Variants in FAM120C observed in about 807,000 individuals in gnomAD.
FAM120C encodes the protein family with sequence similarity 120 member C.
Under a neutral mutation model 71.2 loss-of-function variants are expected in FAM120C, and 14 were observed. The ratio of observed to expected loss-of-function variants is 0.20; its 90% CI spans 0.13 to 0.31. The LOEUF (loss-of-function observed/expected upper bound fraction) is 0.31, where lower values mean the gene tolerates loss of function less well. FAM120C is among the 10% of genes least tolerant of loss of function. The probability of loss-of-function intolerance (pLI) is 1.00; values close to 1 mark genes in which losing one functional copy is unlikely to be tolerated. For missense variants in FAM120C, 500 were observed against 879.0 expected, an observed-to-expected ratio of 0.57 and a Z score of 5.45; for synonymous variants, 354 against 353.2, an observed-to-expected ratio of 1.00 and a Z score of -0.03.
chrX:54,076,688 A>G (rs1335287983), intron 15 of FAM120C, among the ~76,000 whole-genome samples: 1 of 111,753 alleles, frequency 8.9e-6, no homozygotes, highest in Non-Finnish European at 1.9e-5. Flanking sequence ...TCATCTGTAA[A>G]ATAGATAGAA....
chrX:54,129,049 C>T (rs782813697), intron 9 of FAM120C, among the ~76,000 whole-genome samples: 85 of 103,804 alleles, frequency 8.2e-4, no homozygotes, highest in African/African-American at 2.9e-3. Flanking sequence ...TAGGGGCGGC[C>T]GGGCAGAGGC....
chrX:54,123,772 T>A (rs2146598746), intron 9 of FAM120C, among the ~76,000 whole-genome samples: 1 of 73,720 alleles, frequency 1.4e-5, no homozygotes, highest in African/African-American at 5.2e-5. Context: ...GGAACTGCGT[T>A]CCTTTGGAGG....
intron 10 of FAM120C, among the ~76,000 whole-genome samples, chrX:54,100,609 G>A (rs1361216187): frequency 8.9e-6 from 1 of 112,088 alleles, no homozygotes; most frequent in Non-Finnish European, 1.9e-5. Context: ...AGGAGTTTGA[G>A]GCCCCAGTGA....
intron 10 of FAM120C, among the ~76,000 whole-genome samples, chrX:54,100,500 C>T (rs1381065777): frequency 1.8e-5 from 2 of 109,338 alleles, no homozygotes; most frequent in Non-Finnish European, 3.8e-5. Context: ...CTCAAACAAA[C>T]AAATAAACAA....
intron 10 of FAM120C, among the ~76,000 whole-genome samples, chrX:54,113,333 ACCTGTAAT>A (rs1298477899): frequency 3.1e-5 from 3 of 98,107 alleles, no homozygotes; most frequent in African/African-American, 1.1e-4. Flanking sequence ...GGTGGCGTGC[ACCTGTAAT>A]CCCAGCTACT....
chrX:54,176,324 T>A (rs782665165), intron 1 of FAM120C, among the ~76,000 whole-genome samples: 1 of 108,677 alleles, frequency 9.2e-6, no homozygotes, highest in African/African-American at 3.4e-5. Context: ...TCCCAGCTAC[T>A]TGGGAGGCTG....
At chrX:54,082,040 G>A (rs1387248420) in intron 13 of FAM120C, among the ~76,000 whole-genome samples, 3 of 107,877 alleles carry the variant, frequency 2.8e-5, no homozygotes, top group African/African-American at 3.4e-5. Context: ...AAAATTAGCC[G>A]GGCGTGGTGG....
intron 10 of FAM120C, among the ~76,000 whole-genome samples, chrX:54,094,568 T>C (rs868992326): frequency 2.4e-4 from 26 of 109,194 alleles, no homozygotes; most frequent in Middle Eastern, 9.4e-3. Flanking sequence ...GCTAGTCTTT[T>C]TGTAGAGACC....
chrX:54,112,304 C>G (rs1313194497), intron 10 of FAM120C, among the ~76,000 whole-genome samples: 1 of 110,907 alleles, frequency 9.0e-6, no homozygotes, highest in Non-Finnish European at 1.9e-5. Flanking sequence ...GTAATCCCAG[C>G]TACTCGAGAG....
rs2067182159 is a variant in FAM120C, at chrX:54,151,000, C to T, written c.1158+245G>A. Reference sequence around the variant, plus strand: ...AAAGTGCTGGGAGTACAGGTGTGAGCCACCGTGCCCGGACTAGAATGGGCT... The same window carrying T: ...AAAGTGCTGGGAGTACAGGTGTGAGTCACCGTGCCCGGACTAGAATGGGCT... On this transcript the variant is annotated intron_variant, in intron 4 of 15. Transcript: ENST00000375180. Among the ~76,000 whole-genome samples, 1 of 111,265 alleles carries T rather than the reference C, an allele frequency of 9.0e-6. No individual in the cohort carries two copies. The highest frequency in any genetic ancestry group is 1.9e-5 in the Non-Finnish European group (1 of 53,098).
intron 10 of FAM120C, among the ~76,000 whole-genome samples, chrX:54,092,581 GAA>G (rs1557122774): frequency 9.1e-6 from 1 of 109,950 alleles, no homozygotes; most frequent in African/African-American, 3.3e-5. Context: ...CGACGAAGAA[GAA>G]AGTGTGTGTG....
intron 11 of FAM120C, among the ~76,000 whole-genome samples, chrX:54,089,049 C>CA (rs1199169042): frequency 1.8e-5 from 2 of 110,333 alleles, no homozygotes; most frequent in Non-Finnish European, 3.8e-5. Context: ...ACTCTGTCTC[C>CA]AAAAAAACCT....
intron 1 of FAM120C, among the ~76,000 whole-genome samples, chrX:54,169,478 A>G (rs890539370): frequency 8.9e-6 from 1 of 111,842 alleles, no homozygotes; most frequent in Non-Finnish European, 1.9e-5. Context: ...GGACCATAAA[A>G]AGAGTGTAAT....
At chrX:54,139,316 AT>A (rs199660934) in intron 4 of FAM120C, among the ~76,000 whole-genome samples, 1,689 of 66,325 alleles carry the variant, frequency 0.025, 14 homozygotes, top group African/African-American at 0.031. Flanking sequence ...ATAGATTTTG[AT>A]TTTTTTTTTG....
chrX:54,171,766 T>C (rs2067289921), intron 1 of FAM120C: 1 of 112,114 alleles, frequency 8.9e-6, no homozygotes, highest in South Asian at 3.7e-4. Context: ...GTTTTTTATA[T>C]TTCGGTAACT....
chrX:54,089,683 C>T (rs368789908), intron 11 of FAM120C, among the ~76,000 whole-genome samples: 16 of 110,704 alleles, frequency 1.4e-4, no homozygotes, highest in African/African-American at 4.9e-4. Context: ...AAACACTAGC[C>T]GGGCATGGTG....
chrX:54,118,225 A>G (rs1557126979), intron 9 of FAM120C, among the ~76,000 whole-genome samples: 1 of 108,884 alleles, frequency 9.2e-6, no homozygotes, highest in Non-Finnish European at 1.9e-5. Flanking sequence ...CTCCATCTAA[A>G]AAAAAAAAAA....
At chrX:54,105,910 G>A (rs2066904389) in intron 10 of FAM120C, among the ~76,000 whole-genome samples, 1 of 111,429 alleles carries the variant, frequency 9.0e-6, no homozygotes, top group Non-Finnish European at 1.9e-5. Flanking sequence ...AATGAGAGAG[G>A]GCACAAACAA....
chrX:54,077,078 TA>T (rs1487266819), intron 15 of FAM120C, among the ~76,000 whole-genome samples: 3 of 108,258 alleles, frequency 2.8e-5, no homozygotes, highest in African/African-American at 6.7e-5. Flanking sequence ...GGTGACTCAT[TA>T]AAAAAAAAGC....
Sources: gnomAD v4.1 joint callset for allele counts (sites outside exome capture counted in the v4.1 genomes callset) on GRCh38, gnomAD v4.1.1 for gene constraint, MANE v1.5 for transcripts, NCBI Gene and HGNC (gene_info 2026-07-23, HGNC 2026-07-21) for gene names.